The following PRIM1 variants were observed in gnomAD, a reference collection of about 807,000 sequenced individuals.
PRIM1 encodes the protein DNA primase small subunit.
PRIM1 carries 38 observed loss-of-function variants against 60.2 expected under a neutral mutation model. That is an observed-to-expected ratio of 0.63 (90% CI 0.49 to 0.83). PRIM1 has a LOEUF of 0.83. PRIM1 is among the 40% of genes least tolerant of loss of function. The pLI is 0.00. For missense variants in PRIM1, 388 were observed against 506.2 expected (o/e 0.77, Z 2.24); for synonymous variants, 158 against 160.2 (o/e 0.99, Z 0.10).
chr12:56,738,542 A>G lies in PRIM1; in HGVS notation c.1053-17T>C, dbSNP rs191918606. 4.8e-5 allele frequency: 75 copies of G among 1,560,990 alleles called. 2 individuals carry two copies. In the Admixed American group the frequency reaches 1.1e-3, roughly 22 times the overall value. ...CAGATGAAGCTGCAAGTAACAGAAC[A>G]AGAGAATTTTGTTTTTGTTTTTGTT... On this transcript the variant is annotated splice_polypyrimidine_tract_variant and intron_variant, in intron 10 of 12. Transcript: ENST00000338193.
At chr12:56,752,097 G>T in intron 1 of PRIM1, 99 bp downstream of exon 1, 2 of 783,364 alleles carry the variant, frequency 2.6e-6, no homozygotes, top group Non-Finnish European at 4.0e-6. Context: ...GCGGCACAAA[G>T]CCTGGTGCAC....
In PRIM1 at chr12:56,742,886, C is replaced by T. The variant is rs1592333973; in HGVS notation, c.748+101G>A. The T allele has an allele frequency of 3.5e-6, 3 of 848,170 alleles. No homozygotes were observed. The East Asian group carries it at 9.9e-5, about 28-fold the overall frequency. The allele number at this position is 848,170 out of a possible 1,614,324, so 52.5% of individuals were successfully genotyped here. On this transcript the variant is annotated intron_variant, in intron 7 of 12. Transcript: ENST00000338193. ...GATATTTTGTGTAAAAAAGATTAAA[C>T]TTATAAGTATATGAGAACTTACAAG...
At chr12:56,733,583 AAGTT>A (rs1209642203) in intron 12 of PRIM1, among the ~76,000 whole-genome samples, 1 of 149,466 alleles carries the variant, frequency 6.7e-6, no homozygotes, top group African/African-American at 2.5e-5. Flanking sequence ...TTTTTGTATT[AAGTT>A]AGTACTTCTT....
chr12:56,741,713 T>C, intron 8 of PRIM1, 33 bp downstream of exon 8: 1 of 1,594,324 alleles, frequency 6.3e-7, no homozygotes, highest in Non-Finnish European at 8.6e-7. Context: ...ATTGCATTAT[T>C]ATATCTGTAA....
intron 10 of PRIM1, 88 bp downstream of exon 10, chr12:56,739,206 A>G: frequency 9.9e-7 from 1 of 1,009,158 alleles, no homozygotes; most frequent in African/African-American, 1.6e-5. Context: ...ATTCCCATGC[A>G]ACTACTTCTC....
intron 9 of PRIM1, 24 bp from the exon 10 acceptor site, chr12:56,739,387 C>T (rs774009859): frequency 6.8e-7 from 1 of 1,474,100 alleles, no homozygotes; most frequent in South Asian, 1.3e-5. Flanking sequence ...AAGTTATAAA[C>T]TGATGATTGT....
rs375250097 is a variant in PRIM1, at chr12:56,742,975, G to A, written c.748+12C>T. The stretch of plus-strand genomic sequence containing the variant: ...AACTAGCTCACACAGAAATGATCAC[G>A]GGAAAGGATATTTTCAGGAACAAGG... On this transcript the variant is annotated intron_variant, in intron 7 of 12. Coordinates refer to ENST00000338193, the MANE Select transcript of PRIM1 (RefSeq NM_000946.3). 1.3e-5 allele frequency: 19 copies of A among 1,504,012 alleles called. No homozygotes were observed. The highest frequency in any genetic ancestry group is 1.9e-4 in the Middle Eastern group (1 of 5,254). The allele number at this position is 1,504,012 out of a possible 1,614,324, so 93.2% of individuals were successfully genotyped here. A position where few individuals can be genotyped will look rare whatever the true frequency, so the allele number is the denominator to read the frequency against.
At chr12:56,739,599 T>C (rs1473991691) in intron 9 of PRIM1, among the ~76,000 whole-genome samples, 1 of 152,146 alleles carries the variant, frequency 6.6e-6, no homozygotes, top group East Asian at 1.9e-4. Context: ...AGTAGCATGG[T>C]CATAGCTCAC....
At chr12:56,735,203 A>T (rs1028193399) in intron 11 of PRIM1, among the ~76,000 whole-genome samples, 4 of 151,156 alleles carry the variant, frequency 2.6e-5, no homozygotes, top group Non-Finnish European at 4.4e-5. Context: ...AGTTCAAGCG[A>T]TTCTCCTGCC....
chr12:56,734,016 A>G (rs1328506162), intron 12 of PRIM1, 131 bp downstream of exon 12: 1 of 601,636 alleles, frequency 1.7e-6, no homozygotes, highest in African/African-American at 1.9e-5. Context: ...TCAATTTCCA[A>G]AACATTAAGG....
At chr12:56,737,816 C>CT (rs1384961608) in intron 11 of PRIM1, among the ~76,000 whole-genome samples, 3 of 152,266 alleles carry the variant, frequency 2.0e-5, no homozygotes, top group South Asian at 2.1e-4. Flanking sequence ...CCCCTGCCTC[C>CT]TGGGTTCAAG....
At position 56,733,455 on chromosome 12, in the gene PRIM1, G is replaced by A. The variant is rs559977012; in HGVS notation, c.1243+692C>T. Among the ~76,000 whole-genome samples the A allele has an allele frequency of 3.0e-4, 45 of 149,008 alleles. No individual in the cohort carries two copies. The South Asian group carries it at 8.3e-3, about 28-fold the overall frequency. ...ATTACAGGTGTGAGCCACTGCACCC[G>A]GCTAGGGATTAGAATTCTTACAGCA... On this transcript the variant is annotated intron_variant, in intron 12 of 12. Transcript: ENST00000338193.
At chr12:56,751,363 TC>T in intron 1 of PRIM1, 168 bp from the exon 2 acceptor site, 1 of 448,424 alleles carries the variant, frequency 2.2e-6, no homozygotes, top group South Asian at 3.9e-5. Flanking sequence ...CACTGCAACC[TC>T]CGCCTCCCGG....
At chr12:56,734,814 CTT>C (rs568265117) in intron 11 of PRIM1, among the ~76,000 whole-genome samples, 6 of 127,086 alleles carry the variant, frequency 4.7e-5, no homozygotes, top group Non-Finnish European at 1.0e-4. Context: ...CATATATTTT[CTT>C]TTTTTTTTTT....
At chr12:56,747,517 G>A (rs552340921) in intron 2 of PRIM1, among the ~76,000 whole-genome samples, 3 of 152,268 alleles carry the variant, frequency 2.0e-5, no homozygotes, top group South Asian at 2.1e-4. Context: ...AGGCTGAGGC[G>A]GGCAGATCAC....
chr12:56,746,854 A>T lies in PRIM1; in HGVS notation c.369T>A (p.Ser123Arg). Residue 123 changes from serine (S) to arginine (R), a missense_variant and splice_region_variant, in exon 4 of 13, where the codon AGT becomes AGA. Ser to Arg is a moderately radical substitution (Grantham distance 110). This residue lies in a region of PRIM1 where 156 missense variants were observed against 175.8 expected (regional missense o/e 0.89). Coordinates refer to ENST00000338193, the MANE Select transcript of PRIM1 (RefSeq NM_000946.3). ...TDYDDVRRCC[S>R]SADICPKCWT... is the part of the protein sequence containing the mutation. ...AGCACTTAGGACATATGTCTGCAGA[A>T]CTAAAGCAGAGTCATCATTACTCAT... is the stretch of plus-strand genomic sequence containing the variant. 1 of 1,613,928 alleles carries T rather than the reference A, an allele frequency of 6.2e-7. No homozygotes were observed. Among genetic ancestry groups the T allele is most frequent in the Admixed American group, 1.7e-5 (1 of 60,010 alleles).
intron 7 of PRIM1, 65 bp from the exon 8 acceptor site, chr12:56,741,902 G>T: frequency 7.5e-7 from 1 of 1,335,216 alleles, no homozygotes; most frequent in Non-Finnish European, 1.1e-6. Context: ...TTTTAAGTAT[G>T]TATTACCACA....
At chr12:56,737,881 T>C (rs768334277) in intron 11 of PRIM1, among the ~76,000 whole-genome samples, 5 of 152,112 alleles carry the variant, frequency 3.3e-5, no homozygotes, top group Non-Finnish European at 5.9e-5. Flanking sequence ...CCCTCCACCA[T>C]GCCTGGTTGA....
chr12:56,751,021 A>T lies in PRIM1; in HGVS notation c.261+17T>A, dbSNP rs556609409. The T allele has an allele frequency of 5.0e-6, 7 of 1,401,524 alleles. No individual in the cohort carries two copies. The East Asian group carries it at 1.6e-4, about 32-fold the overall frequency. The allele number at this position is 1,401,524 out of a possible 1,614,324, so 86.8% of individuals were successfully genotyped here. ...ACAAAATAAAACAACAAAATATATT[A>T]AAAAAAGATTTCTTACTCTGTGAGA... On this transcript the variant is annotated intron_variant, in intron 2 of 12. Coordinates refer to ENST00000338193, the MANE Select transcript of PRIM1 (RefSeq NM_000946.3).
Sources: allele counts gnomAD v4.1 joint callset (sites outside exome capture counted in the v4.1 genomes callset), GRCh38; gene constraint gnomAD v4.1.1; regional missense constraint gnomAD v4.1.1; transcripts MANE v1.5; gene names NCBI Gene and HGNC (gene_info 2026-07-23, HGNC 2026-07-21).